Variants in ACO1 observed in about 807,000 individuals in gnomAD.
The protein encoded by ACO1 is aconitase 1, also known as cytoplasmic aconitate hydratase.
A neutral mutation model predicts 105.1 loss-of-function variants in ACO1; 78 were observed. The ratio of observed to expected loss-of-function variants is 0.74; its 90% CI spans 0.62 to 0.90. The LOEUF is 0.90. Ranked by LOEUF, ACO1 falls within the 40% of genes least tolerant of loss-of-function variation. The probability of loss-of-function intolerance (pLI) is 0.00; values close to 1 mark genes in which losing one functional copy is unlikely to be tolerated. For missense variants in ACO1, 965 were observed against 1,111.1 expected (o/e 0.87, Z 1.87); for synonymous variants, 364 against 397.4 (o/e 0.92, Z 1.00).
intron 19 of ACO1, chr9:32,445,946 C>G (rs1822595864): frequency 6.6e-6 from 1 of 152,258 alleles, no homozygotes; most frequent in Non-Finnish European, 1.5e-5. Context: ...ATCCTGAGTT[C>G]TAATTTGATT....
At chr9:32,397,439 CA>C (rs1388313579) in intron 1 of ACO1, among the ~76,000 whole-genome samples, 2 of 152,104 alleles carry the variant, frequency 1.3e-5, no homozygotes, top group Admixed American at 6.5e-5. Flanking sequence ...TCAAATAAAA[CA>C]AAGAATTAAT....
At chr9:32,393,922 G>A (rs2118345913) in intron 1 of ACO1, among the ~76,000 whole-genome samples, 1 of 152,164 alleles carries the variant, frequency 6.6e-6, no homozygotes, top group African/African-American at 2.4e-5. Flanking sequence ...CTTTCCCTGA[G>A]TTAGTCTATA....
At chr9:32,424,054 C>T (rs1822033625) in intron 9 of ACO1, among the ~76,000 whole-genome samples, 1 of 152,150 alleles carries the variant, frequency 6.6e-6, no homozygotes. Flanking sequence ...TAAACTAGCC[C>T]TGCGACCCAT....
chr9:32,440,267 CAA>C (rs1196425192), intron 18 of ACO1, among the ~76,000 whole-genome samples, 196 bp from the exon 19 acceptor site: 16 of 122,414 alleles, frequency 1.3e-4, no homozygotes, highest in East Asian at 2.4e-4. Flanking sequence ...AACTCTATCT[CAA>C]AAAAAAAAAA....
chr9:32,452,254 CTGTA>C lies in ACO1; in HGVS notation c.*2145_*2148del, dbSNP rs1156986012. 2.6e-5 allele frequency: 4 copies of C among 152,232 alleles called. No homozygotes were observed. The East Asian group carries it at 7.7e-4, about 29-fold the overall frequency. 9.4% of individuals were successfully genotyped at this position (152,232 alleles called of 1,614,324 possible). A position where few individuals can be genotyped will look rare whatever the true frequency, so the allele number is the denominator to read the frequency against. On this transcript the variant is annotated 3_prime_UTR_variant, in exon 21 of 21. Transcript: ENST00000309951. ...CCCCGCATTCAGTGGCTCCTGTGGT[CTGTA>C]TTTTTGTATCCTCCCCAAAATTCAG...
At chr9:32,387,432 A>G (rs1821177873) in intron 1 of ACO1, among the ~76,000 whole-genome samples, 1 of 152,188 alleles carries the variant, frequency 6.6e-6, no homozygotes, top group Non-Finnish European at 1.5e-5. Context: ...GGCAAATGCT[A>G]CATCAGAGCT....
chr9:32,440,316 T>C, intron 18 of ACO1, 149 bp from the exon 19 acceptor site: 1 of 755,550 alleles, frequency 1.3e-6, no homozygotes, highest in Non-Finnish European at 2.1e-6. Flanking sequence ...AGTAAAAAGA[T>C]CAAGATAATT....
intron 1 of ACO1, among the ~76,000 whole-genome samples, chr9:32,386,852 A>G (rs560711503): frequency 6.6e-6 from 1 of 152,302 alleles, no homozygotes; most frequent in African/African-American, 2.4e-5. Flanking sequence ...GGATGCCAGG[A>G]AAGTAGTGAG....
chr9:32,441,298 C>A (rs2118557625), intron 19 of ACO1, among the ~76,000 whole-genome samples: 1 of 152,210 alleles, frequency 6.6e-6, no homozygotes, highest in East Asian at 1.9e-4. Flanking sequence ...TTTGCTTGCC[C>A]TAAAAGCAGA....
chr9:32,449,161 G>A (rs1453229022), intron 20 of ACO1, 80 bp downstream of exon 20: 1 of 1,432,836 alleles, frequency 7.0e-7, no homozygotes, highest in Non-Finnish European at 9.3e-7. Context: ...AAGGAAATTA[G>A]TGAGGTTTAG....
intron 19 of ACO1, among the ~76,000 whole-genome samples, chr9:32,443,507 A>G (rs557613281): frequency 1.3e-5 from 2 of 152,352 alleles, no homozygotes; most frequent in South Asian, 4.1e-4. Context: ...GATATTCTAG[A>G]CTTTGAAGTA....
intron 19 of ACO1, among the ~76,000 whole-genome samples, chr9:32,446,794 T>C (rs1321545033): frequency 6.6e-6 from 1 of 152,208 alleles, no homozygotes; most frequent in African/African-American, 2.4e-5. Flanking sequence ...TGACAGAATC[T>C]CTCAGCATTT....
chr9:32,408,402 C>G, intron 3 of ACO1, 112 bp from the exon 4 acceptor site: 1 of 1,223,152 alleles, frequency 8.2e-7, no homozygotes, highest in Admixed American at 2.3e-5. Context: ...CCATTGTTAG[C>G]TCCTCTGATG....
At chr9:32,427,264 A>G (rs1249464079) in intron 11 of ACO1, 37 bp from the exon 12 acceptor site, 1 of 1,585,158 alleles carries the variant, frequency 6.3e-7, no homozygotes, top group African/African-American at 1.3e-5. Context: ...TAGAGCAGGC[A>G]GCCTCCCACA....
intron 1 of ACO1, among the ~76,000 whole-genome samples, chr9:32,393,600 AT>A (rs1279819762): frequency 1.1e-4 from 17 of 152,182 alleles, no homozygotes; most frequent in South Asian, 4.1e-4. Flanking sequence ...CCCACACCCT[AT>A]TCATACACTC....
At chr9:32,402,266 A>C (rs1263777250) in intron 1 of ACO1, among the ~76,000 whole-genome samples, 1 of 152,162 alleles carries the variant, frequency 6.6e-6, no homozygotes, top group Non-Finnish European at 1.5e-5. Context: ...AGAACAAAGA[A>C]AGCAGCAACC....
chr9:32,396,379 T>C (rs559518660), intron 1 of ACO1, among the ~76,000 whole-genome samples: 1 of 152,312 alleles, frequency 6.6e-6, no homozygotes, highest in Non-Finnish European at 1.5e-5. Flanking sequence ...CACCTAGCTG[T>C]ACACCTGGCT....
At chr9:32,410,872 A>ACAGTCG (rs1821722998) in intron 4 of ACO1, among the ~76,000 whole-genome samples, 1 of 152,250 alleles carries the variant, frequency 6.6e-6, no homozygotes, top group Admixed American at 6.5e-5. Flanking sequence ...GAGCACAGTC[A>ACAGTCG]GGAAGCTCTG....
rs1325373197 is a variant in ACO1, at chr9:32,424,646, A to G, written c.1169A>G (p.Glu390Gly). The G allele has an allele frequency of 6.2e-6, 10 of 1,613,862 alleles. No homozygotes were observed. The Admixed American group carries it at 1.5e-4, about 24-fold the overall frequency. Residue 390 changes from glutamate (E) to glycine (G), a missense_variant, in exon 10 of 21, where the codon GAG becomes GGG. Physicochemically the swap from Glu to Gly is moderately conservative, Grantham distance 98. Coordinates refer to ENST00000309951, the MANE Select transcript of ACO1 (RefSeq NM_002197.3). Reference protein sequence around the residue: ...VAVSDMKKDFESCLGAKQGFK... With the variant: ...VAVSDMKKDFGSCLGAKQGFK... ...GTGTCCGACATGAAAAAGGACTTTG[A>G]GAGCTGCCTTGGAGCCAAGGTAGGG...
Sources: gnomAD v4.1 joint callset for allele counts (sites outside exome capture counted in the v4.1 genomes callset) on GRCh38, gnomAD v4.1.1 for gene constraint, MANE v1.5 for transcripts, NCBI Gene and HGNC (gene_info 2026-07-23, HGNC 2026-07-21) for gene names.